GALNTL6: variants seen among roughly 807,000 people sequenced by gnomAD.
GALNTL6 encodes the protein polypeptide N-acetylgalactosaminyltransferase-like 6.
GALNTL6 carries 46 observed loss-of-function variants against 73.7 expected under a neutral mutation model. That is an observed-to-expected ratio of 0.62 (90% confidence interval 0.49 to 0.80). The LOEUF (loss-of-function observed/expected upper bound fraction) is 0.80, where lower values mean the gene tolerates loss of function less well. GALNTL6 is among the 30% of genes least tolerant of loss of function. GALNTL6 has a pLI of 0.00. For missense variants in GALNTL6, 604 were observed against 755.0 expected, an observed-to-expected ratio of 0.80 and a Z score of 2.34; for synonymous variants, 259 against 263.7, an observed-to-expected ratio of 0.98 and a Z score of 0.17.
chr4:172,315,733 G>C (rs932788031), intron 4 of GALNTL6, among the ~76,000 whole-genome samples: 1 of 151,302 alleles, frequency 6.6e-6, no homozygotes, highest in East Asian at 2.0e-4. Flanking sequence ...TTTACAATGA[G>C]CACTTCTGTA....
intron 2 of GALNTL6, among the ~76,000 whole-genome samples, chr4:172,032,073 TA>T (rs1741788071): frequency 6.6e-6 from 1 of 152,004 alleles, no homozygotes; most frequent in Non-Finnish European, 1.5e-5. Context: ...AGTAAAGGAG[TA>T]AAATATTTGG....
chr4:172,741,259 G>C (rs1736788311), intron 5 of GALNTL6, among the ~76,000 whole-genome samples: 1 of 152,030 alleles, frequency 6.6e-6, no homozygotes, highest in African/African-American at 2.4e-5. Context: ...CTGGTGCTTT[G>C]GGTATCTCTG....
chr4:171,929,990 A>C (rs1738125682), intron 2 of GALNTL6, among the ~76,000 whole-genome samples: 1 of 152,180 alleles, frequency 6.6e-6, no homozygotes, highest in Non-Finnish European at 1.5e-5. Flanking sequence ...ATGCACCTGC[A>C]CTTGGCCTGA....
chr4:172,960,293 T>G (rs1749977438), intron 10 of GALNTL6, among the ~76,000 whole-genome samples: 1 of 152,234 alleles, frequency 6.6e-6, no homozygotes, highest in Non-Finnish European at 1.5e-5. Context: ...TGACTATGCC[T>G]TTAGCTCCAG....
At chr4:172,482,354 G>A (rs1239618059) in intron 5 of GALNTL6, among the ~76,000 whole-genome samples, 4 of 152,234 alleles carry the variant, frequency 2.6e-5, no homozygotes, top group South Asian at 2.1e-4. Context: ...CTCCTCAAGC[G>A]TGGCCAGAGC....
chr4:172,152,587 T>G (rs1484711075), intron 2 of GALNTL6, among the ~76,000 whole-genome samples: 1 of 152,186 alleles, frequency 6.6e-6, no homozygotes, highest in Non-Finnish European at 1.5e-5. Context: ...AAAAGATAGC[T>G]CAGAAGTTTC....
At chr4:172,692,862 C>A (rs1476810166) in intron 5 of GALNTL6, among the ~76,000 whole-genome samples, 24 of 152,152 alleles carry the variant, frequency 1.6e-4, no homozygotes, top group Non-Finnish European at 7.4e-5. Flanking sequence ...TTCTACAATA[C>A]AGACTTTGAG....
chr4:172,345,734 A>G (rs1035166816), intron 4 of GALNTL6, among the ~76,000 whole-genome samples: 2 of 152,192 alleles, frequency 1.3e-5, no homozygotes, highest in African/African-American at 2.4e-5. Context: ...ATTTGACTAT[A>G]ATAGTGTTTA....
intron 2 of GALNTL6, among the ~76,000 whole-genome samples, chr4:172,159,917 G>A (rs1734400167): frequency 6.6e-6 from 1 of 152,124 alleles, no homozygotes; most frequent in Admixed American, 6.6e-5. Context: ...GGTCTAAGAA[G>A]CTGGCAGAAG....
At chr4:172,384,286 T>C (rs1389986206) in intron 5 of GALNTL6, among the ~76,000 whole-genome samples, 2 of 152,138 alleles carry the variant, frequency 1.3e-5, no homozygotes, top group African/African-American at 2.4e-5. Context: ...CTTTACTTGT[T>C]ATAGATCTTT....
intron 2 of GALNTL6, among the ~76,000 whole-genome samples, chr4:171,905,701 C>A (rs893098273): frequency 6.6e-6 from 1 of 150,882 alleles, no homozygotes; most frequent in African/African-American, 2.5e-5. Flanking sequence ...TTTTTTTCAG[C>A]ACCACACCAC....
chr4:172,717,123 C>A (rs1233635096), intron 5 of GALNTL6, among the ~76,000 whole-genome samples: 3 of 152,020 alleles, frequency 2.0e-5, no homozygotes, highest in Non-Finnish European at 4.4e-5. Flanking sequence ...CTCTAAGTTA[C>A]AAAAAATTCA....
At chr4:172,719,720 T>C (rs1490562968) in intron 5 of GALNTL6, among the ~76,000 whole-genome samples, 1 of 151,690 alleles carries the variant, frequency 6.6e-6, no homozygotes, top group East Asian at 1.9e-4. Flanking sequence ...CAAGAGAGGG[T>C]TCTTGGGTCA....
chr4:172,802,807 AAACAAACAAC>A (rs549041534), intron 5 of GALNTL6, among the ~76,000 whole-genome samples: 9,878 of 151,782 alleles, frequency 0.065, 476 homozygotes, highest in Non-Finnish European at 0.096. Context: ...ACAAACAAAC[AAACAAACAAC>A]AACAACAACA....
chr4:171,862,492 T>C (rs1735857494), intron 2 of GALNTL6, among the ~76,000 whole-genome samples: 2 of 152,040 alleles, frequency 1.3e-5, no homozygotes, highest in African/African-American at 4.8e-5. Context: ...AAACTGTTTT[T>C]GAGAATTTGG....
At chr4:172,289,310 T>C (rs1053313814) in intron 3 of GALNTL6, among the ~76,000 whole-genome samples, 18 of 152,202 alleles carry the variant, frequency 1.2e-4, no homozygotes, top group Non-Finnish European at 2.1e-4. Context: ...CTCCTCATCA[T>C]TGTTTAATTG....
rs1553985721 is a variant in GALNTL6 at position 172,761,669 on chromosome 4, T to TCTCTCTCTCTC, written c.554-47692_554-47691insCTCTCTCTCTC. Among the ~76,000 whole-genome samples, 275 of 147,276 alleles carry TCTCTCTCTCTC rather than the reference T, an allele frequency of 1.9e-3. 3 individuals are homozygous for TCTCTCTCTCTC. The highest frequency in any genetic ancestry group is 6.4e-3 in the African/African-American group (253 of 39,432). Reference sequence around the variant, plus strand: ...TGTGAGAGCTTCGCCCTTGCTCTCTTTCTCTCTCTCTCTCTCTCTCTCTCT... The same window carrying TCTCTCTCTCTC: ...TGTGAGAGCTTCGCCCTTGCTCTCTTCTCTCTCTCTCTCTCTCTCTCTCTCTCTCTCTCTCT... On this transcript the variant is annotated intron_variant, in intron 5 of 12. Transcript: ENST00000506823.
At chr4:172,595,573 T>C (rs574401530) in intron 5 of GALNTL6, among the ~76,000 whole-genome samples, 1 of 152,308 alleles carries the variant, frequency 6.6e-6, no homozygotes, top group Non-Finnish European at 1.5e-5. Context: ...AAATCTTACG[T>C]ATTGTTATAT....
At chr4:172,014,384 T>C (rs1741120464) in intron 2 of GALNTL6, among the ~76,000 whole-genome samples, 1 of 152,118 alleles carries the variant, frequency 6.6e-6, no homozygotes, top group Non-Finnish European at 1.5e-5. Context: ...CCAGCATTTA[T>C]TAGTACCTGT....
Sources: allele counts gnomAD v4.1 joint callset (sites outside exome capture counted in the v4.1 genomes callset), GRCh38; gene constraint gnomAD v4.1.1; transcripts MANE v1.5; gene names NCBI Gene and HGNC (gene_info 2026-07-23, HGNC 2026-07-21).